Variants in CAPN2 observed in about 807,000 individuals in gnomAD.
The protein encoded by CAPN2 is calpain-2 catalytic subunit.
CAPN2 carries 92 observed loss-of-function variants against 102.3 expected under a neutral mutation model. That is an observed-to-expected ratio of 0.90 (90% CI 0.76 to 1.07). CAPN2 has a LOEUF of 1.07. CAPN2 is among the 50% of genes least tolerant of loss of function. The pLI is 0.00. For synonymous variants in CAPN2, 340 were observed against 355.4 expected (o/e 0.96, Z 0.49); for missense variants, 800 against 909.4 (o/e 0.88, Z 1.55).
At chr1:223,709,576 CTT>C (rs1249921450), upstream of CAPN2, among the ~76,000 whole-genome samples, 1 of 151,744 alleles carries the variant, frequency 6.6e-6, no homozygotes, top group Non-Finnish European at 1.5e-5. Context: ...AGGAGAATCA[CTT>C]GAACCTGGGA....
chr1:223,711,975 T>C (rs1431797658), upstream of CAPN2, among the ~76,000 whole-genome samples: 1 of 152,198 alleles, frequency 6.6e-6, no homozygotes, highest in African/African-American at 2.4e-5. Flanking sequence ...GTGATTGCAA[T>C]AGGCCTCCGG....
In CAPN2 at chr1:223,755,176, A is replaced by C. The variant is rs1661000399; in HGVS notation, c.1136-304A>C. On this transcript the variant is annotated intron_variant, in intron 9 of 20. Transcript: ENST00000295006. The surrounding 1 kb of genome is among the most constrained non-coding windows in gnomAD (Gnocchi z 4.1). ...CCAACATCGCCTGCCGTCTCTGACC[A>C]TCTTCTGCCATCCTCTGCCATCTCC... is the stretch of plus-strand genomic sequence containing the variant. Among the ~76,000 whole-genome samples, 1 of 151,752 alleles carries C rather than the reference A, an allele frequency of 6.6e-6. No homozygotes were observed. Among genetic ancestry groups the C allele is most frequent in the South Asian group, 2.1e-4 (1 of 4,794 alleles).
At chr1:223,724,639 G>A (rs773323207) in intron 2 of CAPN2, among the ~76,000 whole-genome samples, 7 of 152,190 alleles carry the variant, frequency 4.6e-5, no homozygotes, top group South Asian at 2.1e-4. Flanking sequence ...TCTCCAAAGC[G>A]GGATAGTATT....
At position 223,755,431 on chromosome 1, in the gene CAPN2, C is replaced by G. The variant is rs760107460; in HGVS notation, c.1136-49C>G. 11 of 1,598,588 alleles carry G rather than the reference C, an allele frequency of 6.9e-6. No homozygotes were observed. The highest frequency in any genetic ancestry group is 1.8e-4 in the Middle Eastern group (1 of 5,494). On this transcript the variant is annotated intron_variant, in intron 9 of 20. Coordinates refer to ENST00000295006, the MANE Select transcript of CAPN2 (RefSeq NM_001748.5). This position sits in a 1 kb window ranked among gnomAD's most constrained non-coding sequence, Gnocchi z 4.1. ...TGAGACCAGGGCCACCCCCCACCCC[C>G]ATGCATTCCTGCTCAGGGCTGGGCT...
In CAPN2 at chr1:223,774,873, GC is replaced by G. The variant is rs765530988; in HGVS notation, c.*18del. The G allele has an allele frequency of 1.2e-6, 2 of 1,609,414 alleles. No homozygotes were observed. The highest frequency in any genetic ancestry group is 1.7e-6 in the Non-Finnish European group (2 of 1,176,738). Reference sequence around the variant, plus strand: ...AGTACTTTGAAGTTATAACTAATCTGCCTGAAGACTTCTCATGATGGAAAAT... The same window carrying G: ...AGTACTTTGAAGTTATAACTAATCTGCTGAAGACTTCTCATGATGGAAAAT... On this transcript the variant is annotated 3_prime_UTR_variant, in exon 21 of 21. Transcript: ENST00000295006.
At chr1:223,765,881 C>T (rs1661301125) in intron 15 of CAPN2, among the ~76,000 whole-genome samples, 1 of 152,226 alleles carries the variant, frequency 6.6e-6, no homozygotes. Flanking sequence ...ACAGGACTCA[C>T]TTAGTGCAGC....
intron 1 of CAPN2, among the ~76,000 whole-genome samples, chr1:223,703,652 G>T (rs186232535): frequency 1.3e-5 from 2 of 152,146 alleles, no homozygotes; most frequent in African/African-American, 4.8e-5. Flanking sequence ...TAGGTGTAAG[G>T]CTTATGTTAT....
rs752842266 is a variant in CAPN2 at position 223,749,082 on chromosome 1, T to C, written c.773T>C (p.Leu258Pro). The C allele has an allele frequency of 6.2e-7, 1 of 1,614,104 alleles. No individual in the cohort carries two copies. Among genetic ancestry groups the C allele is most frequent in the Non-Finnish European group, 8.5e-7 (1 of 1,179,962 alleles). ...TCGGAGGCCATCACGTTTCAGAAGC[T>C]GGTGAAGGGGCACGCGTACTCGGTC... ...ADSEAITFQK[L>P]VKGHAYSVTG... Residue 258 changes from leucine (L) to proline (P), a missense_variant, in exon 6 of 21, where the codon CTG becomes CCG. Leu to Pro is a moderately conservative substitution (Grantham distance 98). Transcript: ENST00000295006.
At chr1:223,762,132 C>G in intron 13 of CAPN2, 54 bp from the exon 14 acceptor site, 1 of 1,495,148 alleles carries the variant, frequency 6.7e-7, no homozygotes, top group Non-Finnish European at 9.3e-7. Flanking sequence ...CGGGCAGACA[C>G]TTGGTGTCAT....
At chr1:223,762,534 T>A (rs964933195) in intron 14 of CAPN2, among the ~76,000 whole-genome samples, 1 of 152,128 alleles carries the variant, frequency 6.6e-6, no homozygotes, top group African/African-American at 2.4e-5. Context: ...TTATTTTCTC[T>A]GTTCTACACC....
At chr1:223,770,634 G>A (rs1408973660) in intron 18 of CAPN2, 109 bp downstream of exon 18, 3 of 716,702 alleles carry the variant, frequency 4.2e-6, no homozygotes, top group Non-Finnish European at 4.7e-6. Context: ...ATAAAATAAA[G>A]TAGGTGCTGG....
intron 1 of CAPN2, among the ~76,000 whole-genome samples, chr1:223,714,691 T>C (rs2102772395): frequency 6.6e-6 from 1 of 152,228 alleles, no homozygotes; most frequent in East Asian, 1.9e-4. Context: ...CATGGCACTT[T>C]ACAGTTTACA....
At chr1:223,747,308 C>A in intron 5 of CAPN2, 143 bp downstream of exon 5, 1 of 714,562 alleles carries the variant, frequency 1.4e-6, no homozygotes, top group Non-Finnish European at 2.2e-6. Context: ...AAACCTCCCT[C>A]CACCCTCTGA....
chr1:223,747,257 T>A, intron 5 of CAPN2, 92 bp downstream of exon 5: 1 of 1,279,724 alleles, frequency 7.8e-7, no homozygotes, highest in South Asian at 1.6e-5. Context: ...TGCTCCTGTG[T>A]ACAACGTAAT....
In CAPN2 at chr1:223,752,865, C is replaced by A. The variant is rs28370082; in HGVS notation, c.1044C>A (p.Leu348=). 2 of 1,614,150 alleles carry A rather than the reference C, an allele frequency of 1.2e-6. No homozygotes were observed. Among genetic ancestry groups the A allele is most frequent in the East Asian group, 4.5e-5 (2 of 44,884 alleles). ...LEICNLTPDT[L]TSDTYKKWKL... is the part of the protein sequence containing the mutation. ...TCTGTAACCTGACCCCAGACACTCT[C>A]ACCAGCGATACCTACAAGAAGTGGA... The change falls in exon 9 of 21, where the codon CTC becomes CTA. Residue 348 remains leucine, a synonymous_variant. Coordinates refer to ENST00000295006, the MANE Select transcript of CAPN2 (RefSeq NM_001748.5).
intron 2 of CAPN2, among the ~76,000 whole-genome samples, chr1:223,740,262 T>C (rs1660579577): frequency 6.6e-6 from 1 of 152,218 alleles, no homozygotes; most frequent in Non-Finnish European, 1.5e-5. Context: ...GCTTGTTCCC[T>C]GGTGCCGTAA....
At chr1:223,749,797 T>C (rs755830429) in intron 6 of CAPN2, among the ~76,000 whole-genome samples, 2 of 152,128 alleles carry the variant, frequency 1.3e-5, no homozygotes, top group Admixed American at 6.5e-5. Context: ...GGAGGATCAC[T>C]CGAGCCTAGG....
rs1341456997 is a variant in CAPN2, at chr1:223,759,794, T to C, written c.1529+313T>C. On this transcript the variant is annotated intron_variant, in intron 12 of 20. Transcript: ENST00000295006. The surrounding 1 kb of genome is among the most constrained non-coding windows in gnomAD (Gnocchi z 4.6). The stretch of plus-strand genomic sequence containing the variant: ...TGGTACTTTAATGTTAAACTACGAA[T>C]CCAGTCTCGTCATTTGAAGAAAGCT... 6.6e-6 allele frequency among the ~76,000 whole-genome samples: 1 copy of C among 152,216 alleles called. No homozygotes were observed. The highest frequency in any genetic ancestry group is 2.4e-5 in the African/African-American group (1 of 41,448).
Position 223,732,082 on chromosome 1 carries a change from G to A in CAPN2, c.308-12018G>A, listed in dbSNP as rs182203049. On this transcript the variant is annotated intron_variant, in intron 2 of 20. Coordinates refer to ENST00000295006, the MANE Select transcript of CAPN2 (RefSeq NM_001748.5). ...GGGAGTTGTAAGGAGATAGGTGTGG[G>A]GCAGGGAGGTGTGTAAGCAGGTGTG... Among the ~76,000 whole-genome samples the A allele has an allele frequency of 2.8e-3, 431 of 152,286 alleles. 2 individuals are homozygous for A. The highest frequency in any genetic ancestry group is 0.01 in the African/African-American group (421 of 41,552).
Sources: gnomAD v4.1 joint callset for allele counts (sites outside exome capture counted in the v4.1 genomes callset) on GRCh38, gnomAD v4.1.1 for gene constraint, Gnocchi (gnomAD v3.1) non-coding constraint, MANE v1.5 for transcripts, NCBI Gene and HGNC (gene_info 2026-07-23, HGNC 2026-07-21) for gene names.